Variants in TAFA2 observed in about 807,000 individuals in gnomAD.
The protein encoded by TAFA2 is TAFA chemokine like family member 2.
A neutral mutation model predicts 18.8 loss-of-function variants in TAFA2; 7 were observed. The ratio of observed to expected loss-of-function variants is 0.37; its 90% confidence interval spans 0.21 to 0.70. The LOEUF (loss-of-function observed/expected upper bound fraction) is 0.70. Among genes scored for constraint, TAFA2 ranks in the 30% least tolerant of loss-of-function variants. The probability of loss-of-function intolerance (pLI) is 0.53; values close to 1 mark genes in which losing one functional copy is unlikely to be tolerated. For synonymous variants in TAFA2, 60 were observed against 54.2 expected (o/e 1.11, Z -0.47); for missense variants, 122 against 158.1 (o/e 0.77, Z 1.23).
At chr12:62,072,654 C>T (rs1882662422) in intron 1 of TAFA2, among the ~76,000 whole-genome samples, 1 of 151,950 alleles carries the variant, frequency 6.6e-6, no homozygotes, top group Non-Finnish European at 1.5e-5. Context: ...AGGTGATGTG[C>T]ACCTGTAGTC....
intron 1 of TAFA2, among the ~76,000 whole-genome samples, chr12:62,100,841 C>A (rs1869165577): frequency 6.6e-6 from 1 of 152,138 alleles, no homozygotes; most frequent in Non-Finnish European, 1.5e-5. Context: ...AATGCCCAAC[C>A]TACACAGTGG....
intron 1 of TAFA2, among the ~76,000 whole-genome samples, chr12:62,213,070 A>G (rs1419731922): frequency 2.6e-5 from 4 of 152,160 alleles, no homozygotes; most frequent in African/African-American, 9.7e-5. Context: ...CTCTGAATCA[A>G]TTCATACCCG....
At chr12:62,016,010 T>C (rs1262409539) in intron 1 of TAFA2, among the ~76,000 whole-genome samples, 2 of 152,128 alleles carry the variant, frequency 1.3e-5, no homozygotes, top group African/African-American at 4.8e-5. Flanking sequence ...TGCCACCAAA[T>C]TGTACACTGA....
chr12:62,100,189 T>C (rs1869132984), intron 1 of TAFA2, among the ~76,000 whole-genome samples: 1 of 151,680 alleles, frequency 6.6e-6, no homozygotes, highest in South Asian at 2.1e-4. Flanking sequence ...AAGTTTGTTC[T>C]TTCAATCTTC....
chr12:62,193,012 C>T (rs1199359761), upstream of TAFA2, among the ~76,000 whole-genome samples: 1 of 152,192 alleles, frequency 6.6e-6, no homozygotes, highest in Non-Finnish European at 1.5e-5. Context: ...TTCACTGCAG[C>T]CCTATTAAGC....
At chr12:61,883,216 G>A (rs1875226455) in intron 1 of TAFA2, among the ~76,000 whole-genome samples, 1 of 152,138 alleles carries the variant, frequency 6.6e-6, no homozygotes, top group Admixed American at 6.5e-5. Context: ...TTACAAGTTT[G>A]TGATAATGTA....
chr12:61,771,576 A>G (rs1870024621), intron 2 of TAFA2, among the ~76,000 whole-genome samples: 1 of 151,974 alleles, frequency 6.6e-6, no homozygotes, highest in Non-Finnish European at 1.5e-5. Context: ...CTCCAACAAA[A>G]CCCTCAAAAT....
chr12:62,163,929 G>C (rs990464350), intron 1 of TAFA2, among the ~76,000 whole-genome samples: 2 of 152,014 alleles, frequency 1.3e-5, no homozygotes, highest in Admixed American at 6.6e-5. Flanking sequence ...AAGAAAAAAA[G>C]TTCCTTTTTA....
At chr12:61,952,994 C>T (rs1279887283) in intron 1 of TAFA2, among the ~76,000 whole-genome samples, 2 of 152,052 alleles carry the variant, frequency 1.3e-5, no homozygotes, top group Non-Finnish European at 2.9e-5. Context: ...GGCTAGATTT[C>T]TACTTAATTT....
chr12:61,881,512 T>C (rs1173334828), intron 1 of TAFA2, among the ~76,000 whole-genome samples: 2 of 152,160 alleles, frequency 1.3e-5, no homozygotes, highest in African/African-American at 2.4e-5. Flanking sequence ...CAGTTCATCA[T>C]TGGCCAAAAC....
chr12:61,801,082 GCAGTGAACACTA>G lies in TAFA2; in HGVS notation c.107-46070_107-46059del, dbSNP rs575384289. 4.0e-3 allele frequency among the ~76,000 whole-genome samples: 605 copies of G among 152,108 alleles called. 4 individuals carry two copies. Among genetic ancestry groups the G allele is most frequent in the Non-Finnish European group, 6.8e-3 (462 of 67,922 alleles). ...AAATTTAACCCAGGAGGTGGACTCTGCAGTGAACACTACAGAAAACTATAAAAGAAATGAAAG... is the reference window on the plus strand; with the variant it reads ...AAATTTAACCCAGGAGGTGGACTCTGCAGAAAACTATAAAAGAAATGAAAG... On this transcript the variant is annotated intron_variant, in intron 2 of 4. Transcript: ENST00000416284.
At chr12:61,872,612 A>G (rs1874662816) in intron 1 of TAFA2, among the ~76,000 whole-genome samples, 1 of 152,074 alleles carries the variant, frequency 6.6e-6, no homozygotes, top group Non-Finnish European at 1.5e-5. Flanking sequence ...AAAAACCAAC[A>G]TCATCTTCCC....
At chr12:61,878,091 A>G (rs1465977994) in intron 1 of TAFA2, 1 of 455,612 alleles carries the variant, frequency 2.2e-6, no homozygotes. Flanking sequence ...AGAGATACCT[A>G]GAATAGTCAA....
At chr12:62,146,365 C>T (rs1407212363) in intron 1 of TAFA2, among the ~76,000 whole-genome samples, 2 of 149,558 alleles carry the variant, frequency 1.3e-5, no homozygotes, top group Non-Finnish European at 3.0e-5. Context: ...CTCCCTGCAG[C>T]CTCGACCTCT....
intron 1 of TAFA2, among the ~76,000 whole-genome samples, chr12:61,986,648 C>A: frequency 8.9e-6 from 1 of 112,460 alleles, no homozygotes. Context: ...GGCCATGAGA[C>A]TTAGTTAAAA....
At chr12:62,238,058 A>G (rs900443378) in intron 1 of TAFA2, among the ~76,000 whole-genome samples, 2 of 152,170 alleles carry the variant, frequency 1.3e-5, no homozygotes, top group South Asian at 2.1e-4. Context: ...GGCATTTGCA[A>G]TGCTTCCCAT....
intron 2 of TAFA2, among the ~76,000 whole-genome samples, chr12:61,780,789 G>A (rs1351002107): frequency 2.0e-5 from 3 of 151,498 alleles, no homozygotes; most frequent in Non-Finnish European, 4.4e-5. Context: ...ACCAGAGTTG[G>A]GTTCAATTTC....
intron 2 of TAFA2, among the ~76,000 whole-genome samples, chr12:61,772,537 G>A (rs1027795639): frequency 6.6e-6 from 1 of 151,906 alleles, no homozygotes; most frequent in Non-Finnish European, 1.5e-5. Context: ...TTTCATACCA[G>A]GGATGCAGGG....
intron 2 of TAFA2, among the ~76,000 whole-genome samples, chr12:61,802,118 G>A (rs145435725): frequency 1.3e-5 from 2 of 152,074 alleles, no homozygotes; most frequent in East Asian, 3.9e-4. Flanking sequence ...ACTAATTGCT[G>A]GTGACAATGT....
Sources: gnomAD v4.1 joint callset for allele counts (sites outside exome capture counted in the v4.1 genomes callset) on GRCh38, gnomAD v4.1.1 for gene constraint, MANE v1.5 for transcripts, NCBI Gene and HGNC (gene_info 2026-07-23, HGNC 2026-07-21) for gene names.